DLC1: variants seen among roughly 807,000 people sequenced by gnomAD.
DLC1 encodes rho GTPase-activating protein 7.
A neutral mutation model predicts 140.3 loss-of-function variants in DLC1; 54 were observed. The observed-to-expected ratio is 0.38, with a 90% CI of 0.31 to 0.48. The LOEUF (loss-of-function observed/expected upper bound fraction) is 0.48, where lower values mean the gene tolerates loss of function less well. Ranked by LOEUF, DLC1 falls within the 20% of genes least tolerant of loss-of-function variation. The pLI is 0.96. For synonymous variants in DLC1, 986 were observed against 728.1 expected, an observed-to-expected ratio of 1.35 and a Z score of -5.70; for missense variants, 2,536 against 1,907.0, an observed-to-expected ratio of 1.33 and a Z score of -6.14.
intron 1 of DLC1, among the ~76,000 whole-genome samples, chr8:13,556,664 T>TG (rs1471807155): frequency 6.6e-6 from 1 of 152,144 alleles, no homozygotes; most frequent in African/African-American, 2.4e-5. Context: ...AGACATAGGC[T>TG]GGGCGCCTGA....
At chr8:13,098,907 G>A (rs1460843430) in intron 9 of DLC1, among the ~76,000 whole-genome samples, 1 of 152,132 alleles carries the variant, frequency 6.6e-6, no homozygotes, top group Admixed American at 6.6e-5. Context: ...GAGCCACTGT[G>A]CCTGGCCCAA....
intron 5 of DLC1, among the ~76,000 whole-genome samples, chr8:13,293,760 T>C (rs1831847514): frequency 6.6e-6 from 1 of 152,078 alleles, no homozygotes; most frequent in Non-Finnish European, 1.5e-5. Context: ...CCACTTCAAA[T>C]GTGGGAGGAA....
chr8:13,091,099 C>T (rs148596494), intron 14 of DLC1, among the ~76,000 whole-genome samples: 25 of 152,246 alleles, frequency 1.6e-4, no homozygotes, highest in South Asian at 1.5e-3. Context: ...TGAGCCACTG[C>T]GCCCGGCTGC....
chr8:13,224,663 T>A (rs1290553405), intron 5 of DLC1, among the ~76,000 whole-genome samples: 4 of 152,162 alleles, frequency 2.6e-5, no homozygotes, highest in Admixed American at 2.0e-4. Flanking sequence ...GGCCACTTCC[T>A]TCCTTGAGGA....
chr8:13,098,328 G>A lies in DLC1; in HGVS notation c.3167+71C>T, dbSNP rs144886931. The A allele has an allele frequency of 6.4e-4, 990 of 1,547,604 alleles. 10 individuals carry two copies. In the African/African-American group the frequency reaches 0.012, roughly 19 times the overall value. ...GGAGAGAAGTGTCATTTTTTACTGT[G>A]GGGACAACCTCAAGGAACTGACCAA... On this transcript the variant is annotated intron_variant, in intron 10 of 17. Transcript: ENST00000276297.
intron 5 of DLC1, among the ~76,000 whole-genome samples, chr8:13,187,422 C>T (rs1826446101): frequency 6.6e-6 from 1 of 152,032 alleles, no homozygotes; most frequent in African/African-American, 2.4e-5. Flanking sequence ...GAGATTGTGT[C>T]ATGTTAATTT....
chr8:13,311,361 C>T (rs770819990), intron 4 of DLC1, among the ~76,000 whole-genome samples: 2 of 152,040 alleles, frequency 1.3e-5, no homozygotes, highest in African/African-American at 4.8e-5. Flanking sequence ...CTAGTGTTCA[C>T]GATTCCAACT....
At chr8:13,588,420 G>A (rs1039659633) in intron 1 of DLC1, among the ~76,000 whole-genome samples, 1 of 152,026 alleles carries the variant, frequency 6.6e-6, no homozygotes, top group African/African-American at 2.4e-5. Flanking sequence ...CAGTAGTTGA[G>A]AGCCAGAGAA....
chr8:13,467,572 T>G (rs575686800), intron 2 of DLC1, among the ~76,000 whole-genome samples: 1 of 152,002 alleles, frequency 6.6e-6, no homozygotes, highest in South Asian at 2.1e-4. Flanking sequence ...GACCCTGTCT[T>G]TACAAAAAAT....
intron 4 of DLC1, 105 bp from the exon 5 acceptor site, chr8:13,305,407 G>T: frequency 1.2e-5 from 14 of 1,187,654 alleles, no homozygotes; most frequent in Non-Finnish European, 1.6e-5. Context: ...ATTAAATAGA[G>T]AATGCCAATA....
chr8:13,499,759 C>T lies in DLC1; in HGVS notation c.313G>A (p.Glu105Lys). ...DQFLSLEASTETLVHVSDEDN... is the reference protein window; with the variant it reads ...DQFLSLEASTKTLVHVSDEDN... ...TCATCAGAAACATGCACTAGTGTTT[C>T]TGTGCTGGCTTCCAGAGAAAGAAAC... The change falls in exon 2 of 18, where the codon GAA becomes AAA. Residue 105 changes from glutamate to lysine, a missense_variant. By Grantham distance (56) the Glu-to-Lys change is moderately conservative (BLOSUM62 1). Transcript: ENST00000276297. 6.2e-7 allele frequency: 1 copy of T among 1,614,066 alleles called. No homozygotes were observed. Among genetic ancestry groups the T allele is most frequent in the Non-Finnish European group, 8.5e-7 (1 of 1,180,012 alleles).
At chr8:13,275,183 C>G (rs910039890) in intron 5 of DLC1, among the ~76,000 whole-genome samples, 58 of 152,294 alleles carry the variant, frequency 3.8e-4, no homozygotes, top group African/African-American at 1.3e-3. Context: ...GCATTCAGAA[C>G]AAATTAGAGT....
At chr8:13,512,114 C>T (rs1389174617) in intron 1 of DLC1, among the ~76,000 whole-genome samples, 1 of 151,980 alleles carries the variant, frequency 6.6e-6, no homozygotes, top group Non-Finnish European at 1.5e-5. Flanking sequence ...ATAAGGGCCA[C>T]CACTTTACTG....
rs114579924 is a variant in DLC1, at chr8:13,217,252, C to A, written c.1348+88017G>T. Among the ~76,000 whole-genome samples, 878 of 152,230 alleles carry A rather than the reference C, an allele frequency of 5.8e-3. 6 individuals are homozygous for A. The highest frequency in any genetic ancestry group is 0.02 in the African/African-American group (823 of 41,544). On this transcript the variant is annotated intron_variant, in intron 5 of 17. Transcript: ENST00000276297. ...TCCAATAGAAATATAATACAAGACA[C>A]ATTAAAAGAGTAAAAAGAACCAAAT...
chr8:13,210,186 TA>T (rs1367977792), intron 5 of DLC1, among the ~76,000 whole-genome samples: 1 of 152,222 alleles, frequency 6.6e-6, no homozygotes, highest in African/African-American at 2.4e-5. Context: ...GCTTTTATTT[TA>T]TTTTTTTAAA....
chr8:13,591,718 G>A (rs1011568571), intron 1 of DLC1, among the ~76,000 whole-genome samples: 3 of 151,968 alleles, frequency 2.0e-5, no homozygotes, highest in African/African-American at 7.2e-5. Context: ...AAATATTTGG[G>A]ATATATTTTA....
intron 2 of DLC1, among the ~76,000 whole-genome samples, chr8:13,447,436 T>C (rs1190174100): frequency 2.0e-5 from 3 of 152,228 alleles, no homozygotes; most frequent in South Asian, 4.1e-4. Context: ...GGGGACTTGC[T>C]TTGCCACACA....
At chr8:13,117,783 A>G (rs1233206013) in intron 5 of DLC1, among the ~76,000 whole-genome samples, 2 of 152,236 alleles carry the variant, frequency 1.3e-5, no homozygotes, top group Non-Finnish European at 2.9e-5. Flanking sequence ...CCACATACAA[A>G]AGCCTTAATT....
chr8:13,204,738 T>C (rs890409510), intron 5 of DLC1, among the ~76,000 whole-genome samples: 28 of 152,346 alleles, frequency 1.8e-4, no homozygotes, highest in African/African-American at 6.5e-4. Context: ...ACTAGGTATT[T>C]TGCAGATTTC....
Sources: gnomAD v4.1 joint callset for allele counts (sites outside exome capture counted in the v4.1 genomes callset) on GRCh38, gnomAD v4.1.1 for gene constraint, MANE v1.5 for transcripts, NCBI Gene and HGNC (gene_info 2026-07-23, HGNC 2026-07-21) for gene names.